The following GSAP variants were observed in gnomAD, a reference collection of about 807,000 sequenced individuals.
The protein encoded by GSAP is gamma-secretase-activating protein.
In GSAP, 118 loss-of-function variants were observed where a neutral mutation model predicts 131.7. That is an observed-to-expected ratio of 0.90 (90% CI 0.77 to 1.04). GSAP has a LOEUF of 1.04. Ranked by LOEUF, GSAP falls within the 50% of genes least tolerant of loss-of-function variation. GSAP has a pLI of 0.00. For missense variants in GSAP, 1,019 were observed against 1,013.2 expected, an observed-to-expected ratio of 1.01 and a Z score of -0.08; for synonymous variants, 381 against 363.4, an observed-to-expected ratio of 1.05 and a Z score of -0.55.
chr7:77,366,446 T>C (rs1795330117), intron 12 of GSAP, among the ~76,000 whole-genome samples: 1 of 152,220 alleles, frequency 6.6e-6, no homozygotes, highest in Non-Finnish European at 1.5e-5. Context: ...TTTCAATTTC[T>C]ATATATGGCT....
intron 19 of GSAP, among the ~76,000 whole-genome samples, chr7:77,339,688 T>TGGAGGACAGAAACACAC (rs559641435): frequency 6.6e-6 from 1 of 150,684 alleles, no homozygotes; most frequent in African/African-American, 2.5e-5. Context: ...CAGAAACACA[T>TGGAGGACAGAAACACAC]GGAGGACATA....
At chr7:77,411,232 A>G (rs1202069789) in intron 1 of GSAP, among the ~76,000 whole-genome samples, 1 of 152,146 alleles carries the variant, frequency 6.6e-6, no homozygotes, top group African/African-American at 2.4e-5. Context: ...AAAATATACC[A>G]CTTCCCTGGC....
intron 12 of GSAP, among the ~76,000 whole-genome samples, chr7:77,368,323 C>G (rs1486112866): frequency 6.6e-6 from 1 of 152,008 alleles, no homozygotes; most frequent in Non-Finnish European, 1.5e-5. Flanking sequence ...GTGGCACTTA[C>G]GCTTCCCTGT....
intron 19 of GSAP, among the ~76,000 whole-genome samples, chr7:77,348,113 G>A (rs142213117): frequency 1.3e-5 from 2 of 152,112 alleles, no homozygotes; most frequent in East Asian, 1.9e-4. Flanking sequence ...AGATTATAGT[G>A]AGCTATGATC....
intron 19 of GSAP, among the ~76,000 whole-genome samples, chr7:77,342,325 A>C (rs951313547): frequency 9.2e-5 from 14 of 152,024 alleles, no homozygotes; most frequent in East Asian, 7.7e-4. Context: ...CCTTGCCTCC[A>C]TAACTGTTGT....
In GSAP at chr7:77,393,674, C is replaced by CTTT. The variant is rs773138759; in HGVS notation, c.367+3305_367+3307dup. ...GCATATATATATACATATATACTTT[C>CTTT]TTTTTTTTTTTTTTTTTGAGACAGA... On this transcript the variant is annotated intron_variant, in intron 5 of 30. Coordinates refer to ENST00000257626, the MANE Select transcript of GSAP (RefSeq NM_017439.4). 8.2e-4 allele frequency among the ~76,000 whole-genome samples: 110 copies of CTTT among 133,426 alleles called. 2 individuals carry two copies. The highest frequency in any genetic ancestry group is 2.0e-3 in the East Asian group (9 of 4,540). The allele number at this position is 133,426 out of a possible 152,430, so 87.5% of individuals were successfully genotyped here.
intron 3 of GSAP, among the ~76,000 whole-genome samples, chr7:77,403,828 T>G (rs1801792751): frequency 6.6e-6 from 1 of 152,204 alleles, no homozygotes; most frequent in African/African-American, 2.4e-5. Context: ...GCATTTTTTG[T>G]TTAGGATAAC....
chr7:77,407,864 C>A (rs1802570574), intron 1 of GSAP, among the ~76,000 whole-genome samples: 1 of 152,090 alleles, frequency 6.6e-6, no homozygotes, highest in Non-Finnish European at 1.5e-5. Context: ...CCCAAACTAT[C>A]CATTAAGTGA....
At chr7:77,403,451 T>C (rs1384315839) in intron 3 of GSAP, among the ~76,000 whole-genome samples, 2 of 152,248 alleles carry the variant, frequency 1.3e-5, no homozygotes, top group African/African-American at 2.4e-5. Context: ...AGTTCAAAGA[T>C]GTCTAATATT....
intron 1 of GSAP, chr7:77,415,980 A>C (rs1319129385): frequency 5.0e-6 from 2 of 397,066 alleles, no homozygotes; most frequent in Non-Finnish European, 9.0e-6. Context: ...GCAGCGAGCC[A>C]GGCGCCTCAG....
In GSAP at chr7:77,375,238, G is replaced by A. The variant is rs879008072; in HGVS notation, c.742-137C>T. 14 of 529,166 alleles carry A rather than the reference G, an allele frequency of 2.6e-5. No homozygotes were observed. In the South Asian group the frequency reaches 3.4e-4, roughly 13 times the overall value. The allele number at this position is 529,166 out of a possible 1,614,324, so 32.8% of individuals were successfully genotyped here. A position where few individuals can be genotyped will look rare whatever the true frequency, so the allele number is the denominator to read the frequency against. On this transcript the variant is annotated intron_variant, in intron 10 of 30. Coordinates refer to ENST00000257626, the MANE Select transcript of GSAP (RefSeq NM_017439.4). ...ATATTTAACCATCATTGTCTTCAGA[G>A]GTTATTATACTCCAAATCCATTGCA...
chr7:77,379,098 G>C (rs554533919), intron 8 of GSAP, among the ~76,000 whole-genome samples: 1 of 152,142 alleles, frequency 6.6e-6, no homozygotes, highest in South Asian at 2.1e-4. Context: ...GGACCTGTCT[G>C]TCTCTAAACC....
intron 10 of GSAP, 29 bp downstream of exon 10, chr7:77,376,819 C>T: frequency 9.3e-7 from 1 of 1,070,466 alleles, no homozygotes; most frequent in Non-Finnish European, 1.4e-6. Flanking sequence ...CATAAACTTT[C>T]CTGTAGTGTG....
chr7:77,361,162 G>A (rs146814272), intron 13 of GSAP, among the ~76,000 whole-genome samples: 43 of 152,308 alleles, frequency 2.8e-4, no homozygotes, highest in African/African-American at 1.0e-3. Context: ...TCAGGGAGGA[G>A]AGGATCTGAA....
At chr7:77,350,640 G>C (rs1374461577) in intron 18 of GSAP, among the ~76,000 whole-genome samples, 2 of 151,890 alleles carry the variant, frequency 1.3e-5, no homozygotes, top group South Asian at 4.1e-4. Context: ...CTACTCAGGA[G>C]GCTGAGGCAG....
intron 22 of GSAP, 180 bp downstream of exon 22, chr7:77,328,426 G>A (rs904203104): frequency 7.0e-5 from 92 of 1,309,590 alleles, no homozygotes; most frequent in Non-Finnish European, 8.4e-5. Context: ...GGAGGTCCTG[G>A]TGCCTAGACA....
intron 2 of GSAP, among the ~76,000 whole-genome samples, 185 bp downstream of exon 2, chr7:77,405,844 C>T (rs1460767530): frequency 1.3e-5 from 2 of 152,104 alleles, no homozygotes; most frequent in Non-Finnish European, 2.9e-5. Flanking sequence ...CAGCCTAATA[C>T]TACTAAATTT....
At chr7:77,381,281 G>A (rs1797762725) in intron 8 of GSAP, 24 bp downstream of exon 8, 1 of 1,440,342 alleles carries the variant, frequency 6.9e-7, no homozygotes. Context: ...AACCTATGAA[G>A]CGAAAAGAAT....
At chr7:77,321,253 G>A in intron 25 of GSAP, 80 bp downstream of exon 25, 1 of 838,998 alleles carries the variant, frequency 1.2e-6, no homozygotes, top group South Asian at 1.4e-5. Context: ...TTGAACTAGT[G>A]CATTTCAAAA....
Sources: allele counts gnomAD v4.1 joint callset (sites outside exome capture counted in the v4.1 genomes callset), GRCh38; gene constraint gnomAD v4.1.1; transcripts MANE v1.5; gene names NCBI Gene and HGNC (gene_info 2026-07-23, HGNC 2026-07-21).